KANK1: variants seen among roughly 807,000 people sequenced by gnomAD.
The protein encoded by KANK1 is KN motif and ankyrin repeat domains 1.
Under a neutral mutation model 106.2 loss-of-function variants are expected in KANK1, and 109 were observed. That is an observed-to-expected ratio of 1.03 (90% CI 0.88 to 1.20). The LOEUF (loss-of-function observed/expected upper bound fraction) is 1.20. KANK1 is among the 50% of genes most tolerant of loss of function. KANK1 has a pLI of 0.00. For missense variants in KANK1, 2,399 were observed against 1,710.7 expected, an observed-to-expected ratio of 1.40 and a Z score of -7.10; for synonymous variants, 873 against 652.2, an observed-to-expected ratio of 1.34 and a Z score of -5.16.
At chr9:512,455 T>C (rs1238038929) in intron 1 of KANK1, among the ~76,000 whole-genome samples, 1 of 152,060 alleles carries the variant, frequency 6.6e-6, no homozygotes, top group African/African-American at 2.4e-5. Flanking sequence ...GTTGTTTGCA[T>C]GAGGCCCACC....
intron 1 of KANK1, among the ~76,000 whole-genome samples, chr9:605,875 A>T (rs1303881090): frequency 6.6e-6 from 1 of 151,594 alleles, no homozygotes; most frequent in African/African-American, 2.4e-5. Flanking sequence ...AGAAATGGTA[A>T]TGGGACTAAC....
At chr9:600,986 C>T (rs1315847731) in intron 1 of KANK1, among the ~76,000 whole-genome samples, 2 of 151,678 alleles carry the variant, frequency 1.3e-5, no homozygotes, top group African/African-American at 2.4e-5. Flanking sequence ...TTTCTGTGCT[C>T]TGTCATAATT....
chr9:745,373 T>C lies in KANK1; in HGVS notation c.*138T>C, dbSNP rs757733238. On this transcript the variant is annotated 3_prime_UTR_variant, in exon 12 of 12. Coordinates refer to ENST00000382297, the MANE Select transcript of KANK1 (RefSeq NM_015158.5). Reference sequence around the variant, plus strand: ...AAGCATCAAGCCCAGGGGTAAAGGCTGAAGCTTTCACAGTGCAGAGACTGC... The same window carrying C: ...AAGCATCAAGCCCAGGGGTAAAGGCCGAAGCTTTCACAGTGCAGAGACTGC... 6 of 1,098,776 alleles carry C rather than the reference T, an allele frequency of 5.5e-6. No individual in the cohort carries two copies. The Admixed American group carries it at 1.1e-4, about 21-fold the overall frequency. The allele number at this position is 1,098,776 out of a possible 1,614,324, so 68.1% of individuals were successfully genotyped here.
intron 1 of KANK1, among the ~76,000 whole-genome samples, chr9:545,834 C>G (rs2060898560): frequency 6.6e-6 from 1 of 150,562 alleles, no homozygotes; most frequent in African/African-American, 2.5e-5. Flanking sequence ...CAACCTCTGC[C>G]TCACGGGTTC....
At chr9:563,636 A>G (rs1208775480) in intron 1 of KANK1, among the ~76,000 whole-genome samples, 2 of 152,206 alleles carry the variant, frequency 1.3e-5, no homozygotes, top group African/African-American at 4.8e-5. Context: ...TTCGTTTCTT[A>G]TCCTTGGGTG....
At chr9:735,935 C>T (rs1171011151) in intron 7 of KANK1, among the ~76,000 whole-genome samples, 1 of 152,164 alleles carries the variant, frequency 6.6e-6, no homozygotes, top group Non-Finnish European at 1.5e-5. Flanking sequence ...GTGGTGGTTG[C>T]AGTGAGCCAA....
At chr9:693,196 C>G (rs1820400076) in intron 2 of KANK1, among the ~76,000 whole-genome samples, 1 of 152,086 alleles carries the variant, frequency 6.6e-6, no homozygotes, top group African/African-American at 2.4e-5. Flanking sequence ...TTTTAGCCTT[C>G]TAATTATATG....
chr9:696,215 C>T (rs965971243), intron 2 of KANK1, among the ~76,000 whole-genome samples: 1 of 150,078 alleles, frequency 6.7e-6, no homozygotes, highest in African/African-American at 2.5e-5. Flanking sequence ...ACCCGGGAGG[C>T]GGAGTTTGCA....
At chr9:535,062 A>C (rs538242429) in intron 1 of KANK1, among the ~76,000 whole-genome samples, 1 of 152,168 alleles carries the variant, frequency 6.6e-6, no homozygotes, top group African/African-American at 2.4e-5. Context: ...CTTCCTGTCC[A>C]AGTTGGCACT....
At chr9:687,519 A>G (rs1588915010) in intron 2 of KANK1, among the ~76,000 whole-genome samples, 1 of 152,134 alleles carries the variant, frequency 6.6e-6, no homozygotes, top group South Asian at 2.1e-4. Context: ...GTCCATGACT[A>G]CAGGTACTCA....
chr9:527,860 T>G (rs2059866776), intron 1 of KANK1, among the ~76,000 whole-genome samples: 1 of 151,222 alleles, frequency 6.6e-6, no homozygotes, highest in African/African-American at 2.5e-5. Context: ...CTTTAAAAGT[T>G]TTTAGGGGCG....
At chr9:613,759 A>G (rs927180643) in intron 1 of KANK1, among the ~76,000 whole-genome samples, 6 of 152,142 alleles carry the variant, frequency 3.9e-5, no homozygotes, top group African/African-American at 1.4e-4. Flanking sequence ...TTAAAAATAC[A>G]GGTTCATGAG....
chr9:553,605 G>C (rs2061405661), intron 1 of KANK1, among the ~76,000 whole-genome samples: 1 of 152,182 alleles, frequency 6.6e-6, no homozygotes, highest in African/African-American at 2.4e-5. Flanking sequence ...AGGGGATGAA[G>C]TAAATGTGAG....
chr9:741,141 C>T (rs571722544), intron 9 of KANK1, among the ~76,000 whole-genome samples: 1 of 152,334 alleles, frequency 6.6e-6, no homozygotes, highest in East Asian at 1.9e-4. Context: ...ACACTGGAAA[C>T]TTCTCCCTCC....
At chr9:708,659 C>T (rs758922657) in intron 2 of KANK1, among the ~76,000 whole-genome samples, 1 of 152,092 alleles carries the variant, frequency 6.6e-6, no homozygotes, top group Admixed American at 6.6e-5. Context: ...TTCACACTGT[C>T]GGGTGTAAAT....
At position 738,151 on chromosome 9, in the gene KANK1, C is replaced by T. The variant is rs1162548188; in HGVS notation, c.3334-134C>T. 5.9e-6 allele frequency: 4 copies of T among 672,870 alleles called. No individual in the cohort carries two copies. In the Admixed American group the frequency reaches 8.3e-5, roughly 14 times the overall value. 41.7% of individuals were successfully genotyped at this position (672,870 alleles called of 1,614,324 possible). ...TTGGTGTTTGAAGCTTCTCTTAGGG[C>T]TGTTGGTTTTTGAGAGCAGATTCTA... On this transcript the variant is annotated intron_variant, in intron 7 of 11. Transcript: ENST00000382297.
In KANK1 at chr9:615,616, A is replaced by C. The variant is rs1236581823; in HGVS notation, c.-83-61274A>C. On this transcript the variant is annotated intron_variant, in intron 1 of 11. Coordinates refer to ENST00000382297, the MANE Select transcript of KANK1 (RefSeq NM_015158.5). ...GAGTCAGTCCCATAGTATATCCTTT[A>C]GGTAAAGACTTAATTAATTGGTGTG... Among the ~76,000 whole-genome samples, 3 of 152,212 alleles carry C rather than the reference A, an allele frequency of 2.0e-5. No individual in the cohort carries two copies. The East Asian group carries it at 5.8e-4, about 29-fold the overall frequency.
chr9:487,891 G>C (rs1343846916), intron 3 of KANK1: 1 of 152,180 alleles, frequency 6.6e-6, no homozygotes, highest in Non-Finnish European at 1.5e-5. Context: ...CTAAGACACA[G>C]CTTCAGCGGC....
intron 2 of KANK1, among the ~76,000 whole-genome samples, chr9:703,656 G>C (rs1409528244): frequency 6.6e-6 from 1 of 151,862 alleles, no homozygotes; most frequent in African/African-American, 2.4e-5. Flanking sequence ...AGTTCTGTTA[G>C]TCCAAAAAGG....
Sources: allele counts gnomAD v4.1 joint callset (sites outside exome capture counted in the v4.1 genomes callset), GRCh38; gene constraint gnomAD v4.1.1; transcripts MANE v1.5; gene names NCBI Gene and HGNC (gene_info 2026-07-23, HGNC 2026-07-21).